Variants in ADAMTSL1 observed in about 807,000 individuals in gnomAD.
ADAMTSL1 encodes the protein ADAMTS-like protein 1.
A neutral mutation model predicts 201.8 loss-of-function variants in ADAMTSL1; 126 were observed. That is an observed-to-expected ratio of 0.62 (90% CI 0.54 to 0.72). The LOEUF is 0.72. ADAMTSL1 is among the 30% of genes least tolerant of loss of function. ADAMTSL1 has a pLI of 0.00. For synonymous variants in ADAMTSL1, 1,121 were observed against 903.4 expected (o/e 1.24, Z -4.32); for missense variants, 2,679 against 2,277.8 (o/e 1.18, Z -3.59).
At chr9:18,647,968 T>A (rs1302043095) in intron 7 of ADAMTSL1, among the ~76,000 whole-genome samples, 5 of 149,966 alleles carry the variant, frequency 3.3e-5, no homozygotes, top group African/African-American at 1.2e-4. Flanking sequence ...TGTTGATCCG[T>A]CTAATGTTGA....
At chr9:18,029,102 C>G (rs1172177600) in intron 1 of ADAMTSL1, among the ~76,000 whole-genome samples, 1 of 152,220 alleles carries the variant, frequency 6.6e-6, no homozygotes, top group South Asian at 2.1e-4. Flanking sequence ...GATTTTTGCA[C>G]ATTGATTTTA....
chr9:18,824,048 G>C (rs1040423275), intron 21 of ADAMTSL1, among the ~76,000 whole-genome samples: 3 of 151,638 alleles, frequency 2.0e-5, no homozygotes, highest in Non-Finnish European at 4.4e-5. Flanking sequence ...AAGGAAGGAA[G>C]GAAGGAAGGA....
At chr9:18,824,759 G>A (rs562317854) in intron 21 of ADAMTSL1, among the ~76,000 whole-genome samples, 10 of 147,142 alleles carry the variant, frequency 6.8e-5, no homozygotes, top group African/African-American at 2.5e-4. Flanking sequence ...GTGCAGTGAG[G>A]TGATCTCGGC....
At chr9:17,947,550 T>C (rs1827552237) in intron 1 of ADAMTSL1, among the ~76,000 whole-genome samples, 1 of 152,120 alleles carries the variant, frequency 6.6e-6, no homozygotes, top group Non-Finnish European at 1.5e-5. Flanking sequence ...CAGTGATAAG[T>C]TTTTAAACTG....
chr9:18,784,929 G>A (rs1378177636), intron 19 of ADAMTSL1, among the ~76,000 whole-genome samples: 1 of 152,210 alleles, frequency 6.6e-6, no homozygotes, highest in African/African-American at 2.4e-5. Context: ...ACTTTGGGAG[G>A]CCGAGGTGGG....
At chr9:18,727,845 C>T (rs1262540044) in intron 15 of ADAMTSL1, among the ~76,000 whole-genome samples, 6 of 151,998 alleles carry the variant, frequency 3.9e-5, no homozygotes, top group Non-Finnish European at 8.8e-5. Flanking sequence ...TTTGGGAGGC[C>T]GAGGTGGGTG....
At chr9:18,760,091 A>T (rs1466219540) in intron 16 of ADAMTSL1, among the ~76,000 whole-genome samples, 2 of 151,928 alleles carry the variant, frequency 1.3e-5, no homozygotes, top group African/African-American at 4.8e-5. Flanking sequence ...CCTGCCTGCC[A>T]CCCCTTCCCC....
At chr9:18,165,963 A>G (rs1827609211) in intron 2 of ADAMTSL1, among the ~76,000 whole-genome samples, 1 of 151,860 alleles carries the variant, frequency 6.6e-6, no homozygotes, top group Non-Finnish European at 1.5e-5. Flanking sequence ...CTTATTTATG[A>G]GTTTCTGTCT....
intron 23 of ADAMTSL1, among the ~76,000 whole-genome samples, chr9:18,835,908 G>C (rs1400110979): frequency 2.0e-5 from 3 of 152,104 alleles, no homozygotes; most frequent in Non-Finnish European, 4.4e-5. Flanking sequence ...ATCCACTGTT[G>C]ATGGGCACCT....
chr9:18,258,366 G>C (rs1213624053), intron 2 of ADAMTSL1, among the ~76,000 whole-genome samples: 3 of 152,188 alleles, frequency 2.0e-5, no homozygotes, highest in East Asian at 1.9e-4. Context: ...AAAAAGAGTT[G>C]GAGATGACAG....
At chr9:18,404,463 G>A (rs1353797591) in intron 2 of ADAMTSL1, among the ~76,000 whole-genome samples, 4 of 152,122 alleles carry the variant, frequency 2.6e-5, no homozygotes, top group Admixed American at 6.5e-5. Context: ...GGGGAGCACC[G>A]GTCTAAATCA....
At chr9:18,439,507 C>G (rs528989063) in intron 2 of ADAMTSL1, among the ~76,000 whole-genome samples, 70 of 152,208 alleles carry the variant, frequency 4.6e-4, no homozygotes, top group African/African-American at 1.7e-3. Flanking sequence ...GCTGGGATTA[C>G]AGGTGCGCGC....
At chr9:18,263,000 C>A (rs1327515326) in intron 2 of ADAMTSL1, among the ~76,000 whole-genome samples, 1 of 152,132 alleles carries the variant, frequency 6.6e-6, no homozygotes, top group African/African-American at 2.4e-5. Context: ...AAACTGGGTA[C>A]AAGTACTGAG....
intron 19 of ADAMTSL1, among the ~76,000 whole-genome samples, chr9:18,780,915 A>G (rs896414417): frequency 2.0e-5 from 3 of 152,202 alleles, no homozygotes; most frequent in African/African-American, 2.4e-5. Flanking sequence ...TCTTTTAAGC[A>G]TTCCAATGTG....
At chr9:17,964,177 A>C (rs371556066) in intron 1 of ADAMTSL1, among the ~76,000 whole-genome samples, 5 of 152,270 alleles carry the variant, frequency 3.3e-5, no homozygotes, top group African/African-American at 1.2e-4. Context: ...TCTGGGTAGT[A>C]AAAATATTTC....
rs79485387 is a variant in ADAMTSL1 at position 18,034,494 on chromosome 9, T to C, written c.87+127572T>C. On this transcript the variant is annotated intron_variant, in intron 1 of 29. Transcript: ENST00000680146. ...GTTTTTCACCAGGATCTTAAGTATA[T>C]AGAAACATAAACTCATCATTTTCTT... 2.6e-4 allele frequency among the ~76,000 whole-genome samples: 40 copies of C among 152,334 alleles called. No individual in the cohort carries two copies. In the East Asian group the frequency reaches 3.9e-3, roughly 15 times the overall value.
At chr9:18,382,436 G>A (rs1353828851) in intron 2 of ADAMTSL1, among the ~76,000 whole-genome samples, 7 of 152,022 alleles carry the variant, frequency 4.6e-5, no homozygotes, top group Admixed American at 1.3e-4. Flanking sequence ...CAAAATGCAT[G>A]TCTAAATATA....
Position 18,465,856 on chromosome 9 carries a change from C to A in ADAMTSL1, c.208-38973C>A, listed in dbSNP as rs376966223. 1.4e-3 allele frequency among the ~76,000 whole-genome samples: 212 copies of A among 152,320 alleles called. 2 individuals are homozygous for A. Among genetic ancestry groups the A allele is most frequent in the African/African-American group, 4.8e-3 (199 of 41,574 alleles). On this transcript the variant is annotated intron_variant, in intron 2 of 29. Coordinates refer to the ADAMTSL1 transcript ENST00000680146. The stretch of plus-strand genomic sequence containing the variant: ...CTCCGCCTCCTGGGTTCAAGCAATT[C>A]TTCTGCCTCAGCCTCCAGAGTAGCT...
intron 2 of ADAMTSL1, among the ~76,000 whole-genome samples, chr9:18,275,847 G>A (rs751071989): frequency 2.6e-5 from 4 of 152,008 alleles, no homozygotes; most frequent in South Asian, 4.2e-4. Context: ...TTATGTAGGC[G>A]TGTTTCTACT....
Sources: gnomAD v4.1 joint callset for allele counts (sites outside exome capture counted in the v4.1 genomes callset) on GRCh38, gnomAD v4.1.1 for gene constraint, MANE v1.5 for transcripts, NCBI Gene and HGNC (gene_info 2026-07-23, HGNC 2026-07-21) for gene names.